Variants in MEAF6 observed in about 807,000 individuals in gnomAD.
The protein encoded by MEAF6 is chromatin modification-related protein MEAF6.
Under a neutral mutation model 28.9 loss-of-function variants are expected in MEAF6, and 15 were observed. That is an observed-to-expected ratio of 0.52 (90% CI 0.35 to 0.80). The LOEUF (loss-of-function observed/expected upper bound fraction) is 0.80, where lower values mean the gene tolerates loss of function less well. Ranked by LOEUF, MEAF6 falls within the 30% of genes least tolerant of loss-of-function variation. The pLI is 0.01. For missense variants in MEAF6, 178 were observed against 237.5 expected (o/e 0.75, Z 1.65); for synonymous variants, 97 against 88.7 (o/e 1.09, Z -0.53).
intron 5 of MEAF6, chr1:37,496,569 TA>T: frequency 1.3e-5 from 19 of 1,429,306 alleles, no homozygotes; most frequent in East Asian, 2.7e-5. Flanking sequence ...TTTCTGTTTT[TA>T]AAAAAAACTT....
intron 4 of MEAF6, 119 bp from the exon 5 acceptor site, chr1:37,502,115 G>A: frequency 1.9e-5 from 1 of 53,820 alleles, no homozygotes; most frequent in Non-Finnish European, 3.7e-5. Context: ...AATTGACAGA[G>A]AAGATACATG....
At chr1:37,495,716 A>AAAAAAAAAAAAAAC (rs1557603988) in intron 6 of MEAF6, among the ~76,000 whole-genome samples, 169 bp downstream of exon 6, 1 of 129,780 alleles carries the variant, frequency 7.7e-6, no homozygotes, top group Non-Finnish European at 1.7e-5. Context: ...AAAAAAAAAA[A>AAAAAAAAAAAAAAC]AAACAAAAAA....
At chr1:37,502,103 C>T (rs1251826498) in intron 4 of MEAF6, 107 bp from the exon 5 acceptor site, 10 of 807,968 alleles carry the variant, frequency 1.2e-5, no homozygotes, top group Non-Finnish European at 1.9e-5. Flanking sequence ...TCCCTATCCT[C>T]TAATTGACAG....
At chr1:37,497,223 T>C (rs1642152595) in intron 5 of MEAF6, among the ~76,000 whole-genome samples, 2 of 147,480 alleles carry the variant, frequency 1.4e-5, no homozygotes, top group Middle Eastern at 3.6e-3. Flanking sequence ...ACTCAAGTTA[T>C]ATGGGTTTGT....
chr1:37,500,168 C>T (rs996898692), intron 5 of MEAF6, among the ~76,000 whole-genome samples: 3 of 152,038 alleles, frequency 2.0e-5, no homozygotes, highest in Non-Finnish European at 2.9e-5. Context: ...CAGTGGTGCA[C>T]GCCTGTAATC....
chr1:37,513,646 A>C, intron 1 of MEAF6, 108 bp from the exon 2 acceptor site: 1 of 847,572 alleles, frequency 1.2e-6, no homozygotes, highest in Non-Finnish European at 2.0e-6. Flanking sequence ...GCTTGCCCAC[A>C]CTAAACCACC....
Position 37,493,331 on chromosome 1 carries a change from A to G in MEAF6, c.*768T>C, listed in dbSNP as rs1331666090. ...GAGAATTTGAAGCCTGTGAAATTTT[A>G]TTTATACAAAAGAATAAAAAGTTAT... On this transcript the variant is annotated 3_prime_UTR_variant, in exon 7 of 7. Transcript: ENST00000296214. 6.3e-6 allele frequency: 1 copy of G among 158,822 alleles called. No homozygotes were observed. The highest frequency in any genetic ancestry group is 2.4e-5 in the African/African-American group (1 of 41,782). 9.8% of individuals were successfully genotyped at this position (158,822 alleles called of 1,614,324 possible).
intron 1 of MEAF6, 115 bp from the exon 2 acceptor site, chr1:37,513,653 C>T: frequency 1.2e-6 from 1 of 808,568 alleles, no homozygotes; most frequent in Non-Finnish European, 2.1e-6. Flanking sequence ...CACACTAAAC[C>T]ACCCTGTGGA....
At chr1:37,507,213 G>C (rs571255732) in intron 4 of MEAF6, among the ~76,000 whole-genome samples, 2 of 152,186 alleles carry the variant, frequency 1.3e-5, no homozygotes, top group East Asian at 3.9e-4. Context: ...CCAGCTACTT[G>C]GGAGGCTGAG....
rs1421886949 is a variant in MEAF6, at chr1:37,493,025, T to C, written c.*1074A>G. ...CCACAGCACTAGAGGCAGGTAACGA[T>C]TACTAGCAGATTCCTCAGCCCCAAC... On this transcript the variant is annotated 3_prime_UTR_variant, in exon 7 of 7. Transcript: ENST00000296214. 1.3e-5 allele frequency: 2 copies of C among 152,210 alleles called. No individual in the cohort carries two copies. The highest frequency in any genetic ancestry group is 1.3e-4 in the Admixed American group (2 of 15,274). The allele number at this position is 152,210 out of a possible 1,614,324, so 9.4% of individuals were successfully genotyped here.
chr1:37,504,726 G>A (rs1162364154), intron 4 of MEAF6, among the ~76,000 whole-genome samples: 2 of 144,580 alleles, frequency 1.4e-5, no homozygotes, highest in African/African-American at 2.6e-5. Flanking sequence ...GAGCCAAGAT[G>A]GCGCCACTGC....
chr1:37,513,545 G>A lies in MEAF6; in HGVS notation c.91-7C>T, dbSNP rs777752085. On this transcript the variant is annotated splice_polypyrimidine_tract_variant and splice_region_variant and intron_variant, in intron 1 of 6. Transcript: ENST00000296214. ...CCAAATTTGCCAATGTTTCCTGAGA[G>A]ATGAAAAACAAGGACATGAATGATA... 1.9e-6 allele frequency: 3 copies of A among 1,600,884 alleles called. No homozygotes were observed. Among genetic ancestry groups the A allele is most frequent in the African/African-American group, 2.7e-5 (2 of 74,648 alleles).
At chr1:37,499,553 G>C (rs1642229996) in intron 5 of MEAF6, among the ~76,000 whole-genome samples, 2 of 152,174 alleles carry the variant, frequency 1.3e-5, no homozygotes, top group Admixed American at 6.5e-5. Context: ...TCCCTAGAAA[G>C]GAAACAAATC....
chr1:37,504,798 T>TAC (rs1369558795), intron 4 of MEAF6, among the ~76,000 whole-genome samples: 1,503 of 110,572 alleles, frequency 0.014, 51 homozygotes, highest in Admixed American at 0.077. Context: ...AAAAAATTTA[T>TAC]ATACACACAC....
intron 6 of MEAF6, 107 bp downstream of exon 6, chr1:37,495,778 A>G (rs1642114217): frequency 2.9e-6 from 3 of 1,047,472 alleles, no homozygotes; most frequent in South Asian, 1.4e-5. Flanking sequence ...CTTTAAATCA[A>G]GAGTTATGAC....
intron 4 of MEAF6, among the ~76,000 whole-genome samples, chr1:37,502,395 A>G (rs1407675266): frequency 1.3e-5 from 2 of 151,866 alleles, no homozygotes; most frequent in Non-Finnish European, 2.9e-5. Context: ...AAAAATATAT[A>G]TGTTTACACA....
In MEAF6 at chr1:37,491,881, G is replaced by C. The variant is rs1235501256; in HGVS notation, c.*2218C>G. 6.7e-6 allele frequency among the ~76,000 whole-genome samples: 1 copy of C among 148,650 alleles called. No homozygotes were observed. The highest frequency in any genetic ancestry group is 2.0e-4 in the East Asian group (1 of 5,088). On this transcript the variant is annotated 3_prime_UTR_variant, in exon 7 of 7. Transcript: ENST00000296214. ...CATCCCACTGCAGTTTCATAAATAC[G>C]TAAATAATCTTTTTAAGAGCAGTAC...
At position 37,493,917 on chromosome 1, in the gene MEAF6, T is replaced by C. The variant is rs1642027140; in HGVS notation, c.*182A>G. 6.3e-7 allele frequency: 1 copy of C among 1,582,798 alleles called. No homozygotes were observed. On this transcript the variant is annotated 3_prime_UTR_variant, in exon 7 of 7. Transcript: ENST00000296214. ...AAAAATGACATAAAGTAAGACCCAA[T>C]GTCTTACAGAAATGACTTGTTTGTC...
rs902958227 is a variant in MEAF6 at position 37,490,711 on chromosome 1, T to C, written c.*3388A>G. Reference sequence around the variant, plus strand: ...AAAGGTGCATATCACCATGCCCAGCTTGATGTGAATTTTTAAGCAATAATG... The same window carrying C: ...AAAGGTGCATATCACCATGCCCAGCCTGATGTGAATTTTTAAGCAATAATG... On this transcript the variant is annotated 3_prime_UTR_variant, in exon 7 of 7. Coordinates refer to ENST00000296214, the MANE Select transcript of MEAF6 (RefSeq NM_001270875.3). 6.6e-6 allele frequency among the ~76,000 whole-genome samples: 1 copy of C among 152,180 alleles called. No individual in the cohort carries two copies. The highest frequency in any genetic ancestry group is 1.5e-5 in the Non-Finnish European group (1 of 68,032).
Sources: gnomAD v4.1 joint callset for allele counts (sites outside exome capture counted in the v4.1 genomes callset) on GRCh38, gnomAD v4.1.1 for gene constraint, MANE v1.5 for transcripts, NCBI Gene and HGNC (gene_info 2026-07-23, HGNC 2026-07-21) for gene names.